NBEA: variants seen among roughly 807,000 people sequenced by gnomAD.
The protein encoded by NBEA is lysosomal-trafficking regulator 2.
Under a neutral mutation model 343.4 loss-of-function variants are expected in NBEA, and 44 were observed. That is an observed-to-expected ratio of 0.13 (90% CI 0.10 to 0.16). NBEA has a LOEUF of 0.16. Ranked by LOEUF, NBEA falls within the 10% of genes least tolerant of loss-of-function variation. NBEA has a pLI of 1.00. For missense variants in NBEA, 2,555 were observed against 3,631.3 expected, an observed-to-expected ratio of 0.70 and a Z score of 7.62; for synonymous variants, 1,175 against 1,238.7, an observed-to-expected ratio of 0.95 and a Z score of 1.08.
chr13:35,095,780 C>G (rs2065302100), intron 10 of NBEA, among the ~76,000 whole-genome samples: 2 of 151,916 alleles, frequency 1.3e-5, no homozygotes, highest in Non-Finnish European at 2.9e-5. Flanking sequence ...AAGTAAAATA[C>G]TCCTATGAAA....
intron 38 of NBEA, among the ~76,000 whole-genome samples, chr13:35,360,508 TC>T (rs1179161169): frequency 3.3e-5 from 5 of 152,058 alleles, no homozygotes; most frequent in Non-Finnish European, 5.9e-5. Context: ...TCACCGTTTC[TC>T]AAGGACAGAC....
chr13:35,363,343 C>CTA (rs1490664873), intron 38 of NBEA, among the ~76,000 whole-genome samples: 1 of 151,886 alleles, frequency 6.6e-6, no homozygotes, highest in African/African-American at 2.4e-5. Context: ...AGTTTCTATA[C>CTA]TAAGGCAAGG....
At chr13:35,267,645 A>G (rs866059840) in intron 34 of NBEA, among the ~76,000 whole-genome samples, 2 of 151,814 alleles carry the variant, frequency 1.3e-5, no homozygotes, top group South Asian at 4.1e-4. Flanking sequence ...AAAATCTCCT[A>G]AAACTCAACC....
Position 34,942,853 on chromosome 13 carries a change from G to A in NBEA, c.33G>A (p.Gly11=). Residue 11 remains glycine (G), a synonymous_variant, in exon 1 of 59, where the codon GGG becomes GGA. Coordinates refer to ENST00000379939, the MANE Select transcript of NBEA (RefSeq NM_001385012.1). ...GCGAGAAGCCGGGCCCGGGCCCGGG[G>A]CTCGAGCCTCAGCCCGTGGGGCTCA... is the stretch of plus-strand genomic sequence containing the variant. MASEKPGPGP[G]LEPQPVGLIA... is the part of the protein sequence containing the mutation. The A allele has an allele frequency of 7.3e-7, 1 of 1,374,462 alleles. No individual in the cohort carries two copies. Among genetic ancestry groups the A allele is most frequent in the Non-Finnish European group, 9.4e-7 (1 of 1,059,738 alleles). 85.1% of individuals were successfully genotyped at this position (1,374,462 alleles called of 1,614,324 possible).
intron 48 of NBEA, among the ~76,000 whole-genome samples, chr13:35,612,896 G>A (rs1279281661): frequency 6.6e-6 from 1 of 151,934 alleles, no homozygotes; most frequent in East Asian, 1.9e-4. Context: ...GAACTTTTTA[G>A]AAGCATTATG....
intron 38 of NBEA, among the ~76,000 whole-genome samples, chr13:35,353,529 T>G (rs1266259557): frequency 1.3e-5 from 2 of 152,080 alleles, no homozygotes; most frequent in African/African-American, 4.8e-5. Flanking sequence ...GATAGGTTTT[T>G]TAAAACTTTA....
At position 35,232,553 on chromosome 13, in the gene NBEA, G is replaced by A. The variant is rs866873763; in HGVS notation, c.5710G>A (p.Val1904Ile). 1.3e-6 allele frequency: 2 copies of A among 1,554,828 alleles called. No homozygotes were observed. Among genetic ancestry groups the A allele is most frequent in the Non-Finnish European group, 1.7e-6 (2 of 1,147,878 alleles). The change falls in exon 34 of 59, where the codon GTA becomes ATA. Residue 1904 changes from valine (V) to isoleucine (I), a missense_variant. Val to Ile is a conservative substitution (Grantham distance 29). Coordinates refer to ENST00000379939, the MANE Select transcript of NBEA (RefSeq NM_001385012.1). Reference sequence around the variant, plus strand: ...TGCTCCTCTTCTTCGTGAAATTTTTGTAGACTTTGCCCCATTCCTATCTCG... The same window carrying A: ...TGCTCCTCTTCTTCGTGAAATTTTTATAGACTTTGCCCCATTCCTATCTCG... Reference protein sequence around the residue: ...KVAPLLREIFVDFAPFLSRTL... With the variant: ...KVAPLLREIFIDFAPFLSRTL...
intron 47 of NBEA, among the ~76,000 whole-genome samples, chr13:35,601,080 G>A (rs1407328700): frequency 2.0e-5 from 3 of 152,018 alleles, no homozygotes; most frequent in Admixed American, 6.6e-5. Context: ...GGGATGCTGA[G>A]GCTCAAGAAT....
intron 7 of NBEA, among the ~76,000 whole-genome samples, chr13:35,057,493 G>C (rs2063314803): frequency 6.6e-6 from 1 of 152,110 alleles, no homozygotes; most frequent in Non-Finnish European, 1.5e-5. Flanking sequence ...CAGAAACCAG[G>C]TGTGGCAGGC....
At chr13:35,124,874 G>T (rs760512392) in intron 17 of NBEA, among the ~76,000 whole-genome samples, 1 of 151,842 alleles carries the variant, frequency 6.6e-6, no homozygotes, top group Non-Finnish European at 1.5e-5. Flanking sequence ...GTGACAGAGT[G>T]CTGGGAGTGA....
intron 17 of NBEA, among the ~76,000 whole-genome samples, chr13:35,128,997 A>G (rs1403210409): frequency 6.7e-6 from 1 of 148,976 alleles, no homozygotes; most frequent in East Asian, 2.0e-4. Flanking sequence ...AGAGTTCAAA[A>G]CCAAACACCA....
At chr13:35,483,927 A>G (rs2076211651) in intron 41 of NBEA, among the ~76,000 whole-genome samples, 1 of 152,068 alleles carries the variant, frequency 6.6e-6, no homozygotes. Context: ...TGGCCTCTAT[A>G]CATTTTCCGT....
chr13:34,980,451 CATTTATTTATTT>C (rs10569517), intron 1 of NBEA, among the ~76,000 whole-genome samples: 70 of 147,592 alleles, frequency 4.7e-4, no homozygotes, highest in Middle Eastern at 6.9e-3. Flanking sequence ...ATTTTTATTA[CATTTATTTATTT>C]ATTTATTTAT....
chr13:35,553,283 C>T lies in NBEA; in HGVS notation c.6807-1704C>T, dbSNP rs116641008. On this transcript the variant is annotated intron_variant, in intron 43 of 58. Transcript: ENST00000379939. Reference sequence around the variant, plus strand: ...TTCATAATGCCATTCTATCTTCAAACGTCCTTTTGTTGTCCTTGGCTTATT... The same window carrying T: ...TTCATAATGCCATTCTATCTTCAAATGTCCTTTTGTTGTCCTTGGCTTATT... 2.3e-3 allele frequency among the ~76,000 whole-genome samples: 352 copies of T among 152,194 alleles called. 2 individuals are homozygous for T. Among genetic ancestry groups the T allele is most frequent in the African/African-American group, 8.3e-3 (343 of 41,534 alleles).
intron 36 of NBEA, among the ~76,000 whole-genome samples, chr13:35,320,937 G>C (rs2265202): frequency 0.83 from 126,255 of 151,902 alleles, 52,688 homozygotes; most frequent in South Asian, 0.94. Context: ...TTTTTCAGCT[G>C]TGTCAGGTCA....
At chr13:35,654,118 G>A (rs150321168) in intron 53 of NBEA, among the ~76,000 whole-genome samples, 205 of 152,302 alleles carry the variant, frequency 1.3e-3, no homozygotes, top group African/African-American at 4.7e-3. Context: ...AGGATGGTGC[G>A]CAGTAAGGGA....
chr13:34,986,529 G>A (rs1289262482), intron 1 of NBEA, among the ~76,000 whole-genome samples: 1 of 150,848 alleles, frequency 6.6e-6, no homozygotes, highest in African/African-American at 2.4e-5. Flanking sequence ...GGGGTGGAGA[G>A]TTCTGTAGAT....
intron 38 of NBEA, among the ~76,000 whole-genome samples, chr13:35,419,045 T>A (rs998240647): frequency 4.6e-5 from 7 of 152,062 alleles, no homozygotes; most frequent in Non-Finnish European, 8.8e-5. Flanking sequence ...ACAATATTTT[T>A]AATAATTTTG....
intron 10 of NBEA, among the ~76,000 whole-genome samples, chr13:35,082,251 T>C (rs972372707): frequency 8.5e-5 from 13 of 152,184 alleles, no homozygotes; most frequent in East Asian, 1.9e-4. Context: ...ATGAACTCAT[T>C]ATTTTTTATG....
Sources: allele counts gnomAD v4.1 joint callset (sites outside exome capture counted in the v4.1 genomes callset), GRCh38; gene constraint gnomAD v4.1.1; transcripts MANE v1.5; gene names NCBI Gene and HGNC (gene_info 2026-07-23, HGNC 2026-07-21).